The following PREX2 variants were observed in gnomAD, a reference collection of about 807,000 sequenced individuals.
PREX2 encodes phosphatidylinositol-3,4,5-trisphosphate dependent Rac exchange factor 2.
PREX2 carries 107 observed loss-of-function variants against 203.2 expected under a neutral mutation model. That is an observed-to-expected ratio of 0.53 (90% CI 0.45 to 0.62). PREX2 has a LOEUF of 0.62. PREX2 is among the 20% of genes least tolerant of loss of function. The pLI, the probability that PREX2 is intolerant of heterozygous loss-of-function variation, is 0.00. For missense variants in PREX2, 1,777 were observed against 1,955.9 expected, an observed-to-expected ratio of 0.91 and a Z score of 1.72; for synonymous variants, 672 against 663.6, an observed-to-expected ratio of 1.01 and a Z score of -0.19.
intron 1 of PREX2, among the ~76,000 whole-genome samples, chr8:67,979,729 A>G (rs1806212062): frequency 1.3e-5 from 2 of 152,238 alleles, no homozygotes; most frequent in African/African-American, 4.8e-5. Context: ...AATGCCATAC[A>G]CTTTCTATCT....
intron 37 of PREX2, among the ~76,000 whole-genome samples, chr8:68,196,325 C>T (rs1174359020): frequency 6.7e-6 from 1 of 149,440 alleles, no homozygotes; most frequent in Admixed American, 6.7e-5. Context: ...TATAGAAAAA[C>T]ATTCTATTCT....
At chr8:68,220,846 G>A (rs935953206) in intron 38 of PREX2, among the ~76,000 whole-genome samples, 1 of 152,130 alleles carries the variant, frequency 6.6e-6, no homozygotes, top group Admixed American at 6.5e-5. Context: ...TTATGATAGC[G>A]ATTAAAAGCA....
intron 35 of PREX2, among the ~76,000 whole-genome samples, chr8:68,164,585 C>CTTTTTTTTTTTTTTTTTT (rs755033458): frequency 7.4e-6 from 1 of 135,262 alleles, no homozygotes; most frequent in Non-Finnish European, 1.6e-5. Context: ...TTTCTTTTTT[C>CTTTTTTTTTTTTTTTTTT]TTTTTTTTTT....
At chr8:68,008,930 A>G (rs1294540101) in intron 1 of PREX2, among the ~76,000 whole-genome samples, 1 of 152,202 alleles carries the variant, frequency 6.6e-6, no homozygotes, top group African/African-American at 2.4e-5. Context: ...TTTCTCCGGT[A>G]TGTCTTTATA....
chr8:68,084,901 C>G (rs1489255586), intron 18 of PREX2, among the ~76,000 whole-genome samples: 3 of 152,138 alleles, frequency 2.0e-5, no homozygotes, highest in Non-Finnish European at 4.4e-5. Flanking sequence ...ATCTACTGAT[C>G]AGAGACATTC....
At chr8:67,970,631 A>G (rs1805900977) in intron 1 of PREX2, among the ~76,000 whole-genome samples, 1 of 152,208 alleles carries the variant, frequency 6.6e-6, no homozygotes, top group South Asian at 2.1e-4. Context: ...CTACAGACTC[A>G]TGTTTTCTTG....
intron 8 of PREX2, among the ~76,000 whole-genome samples, chr8:68,047,471 A>T (rs937690116): frequency 4.8e-3 from 7 of 1,450 alleles, no homozygotes; most frequent in African/African-American, 0.012. Flanking sequence ...GGATGAATTT[A>T]TATATATATA....
intron 4 of PREX2, among the ~76,000 whole-genome samples, chr8:68,023,893 A>G (rs1428378605): frequency 6.6e-6 from 1 of 152,046 alleles, no homozygotes; most frequent in Admixed American, 6.6e-5. Flanking sequence ...TATTTTGCAT[A>G]TAGGATCAAT....
rs757092256 is a variant in PREX2 at position 68,030,611 on chromosome 8, A to C, written c.658A>C (p.Lys220Gln). The C allele has an allele frequency of 6.2e-7, 1 of 1,613,520 alleles. No individual in the cohort carries two copies. The highest frequency in any genetic ancestry group is 8.5e-7 in the Non-Finnish European group (1 of 1,179,678). ...AAACGAGGCCAAGAGACAGATGGAG[A>C]AGTTAGAAGTTTTAGAGGAATGGCA... is the stretch of plus-strand genomic sequence containing the variant. The part of the protein sequence containing the change: ...NINEAKRQME[K>Q]LEVLEEWQSH... Residue 220 changes from lysine to glutamine, a missense_variant, in exon 6 of 40, where the codon AAG becomes CAG. By Grantham distance (53) the Lys-to-Gln change is moderately conservative (BLOSUM62 1). Coordinates refer to ENST00000288368, the MANE Select transcript of PREX2 (RefSeq NM_024870.4).
At chr8:67,973,375 T>A (rs762932644) in intron 1 of PREX2, among the ~76,000 whole-genome samples, 3 of 152,238 alleles carry the variant, frequency 2.0e-5, no homozygotes, top group Non-Finnish European at 4.4e-5. Flanking sequence ...TAACTTGCTG[T>A]AGCTACTCCT....
Position 68,069,067 on chromosome 8 carries a change from G to A in PREX2, c.1374G>A (p.Met458Ile), listed in dbSNP as rs768327459. The A allele has an allele frequency of 4.5e-6, 7 of 1,554,892 alleles. No individual in the cohort carries two copies. The Admixed American group carries it at 1.4e-4, about 31-fold the overall frequency. Residue 458 changes from methionine (M) to isoleucine (I), a missense_variant, in exon 12 of 40, where the codon ATG becomes ATA. Transcript: ENST00000288368. ...TDKHQFKPEQ[M>I]LYRFRYDDGT... ...AACATCAATTCAAACCAGAACAGAT[G>A]TTATATAGATTTCGCTATGATGATG...
At chr8:67,997,883 G>A (rs1028891472) in intron 1 of PREX2, among the ~76,000 whole-genome samples, 4 of 152,046 alleles carry the variant, frequency 2.6e-5, no homozygotes, top group Non-Finnish European at 5.9e-5. Flanking sequence ...TTCAATCCAT[G>A]AACGTGGTAG....
chr8:68,224,112 A>G (rs1187795557), intron 38 of PREX2, among the ~76,000 whole-genome samples: 1 of 151,956 alleles, frequency 6.6e-6, no homozygotes, highest in Non-Finnish European at 1.5e-5. Context: ...TCAACCTCCT[A>G]GCCTCAAACA....
chr8:68,051,009 A>G (rs7831350), intron 8 of PREX2, among the ~76,000 whole-genome samples: 25,433 of 152,020 alleles, frequency 0.17, 2,140 homozygotes, highest in Non-Finnish European at 0.19. Context: ...TGTAGTTTTG[A>G]CTTGATTCAG....
chr8:68,227,878 A>ACCCTTG (rs1264662368), intron 39 of PREX2, among the ~76,000 whole-genome samples: 2 of 152,182 alleles, frequency 1.3e-5, no homozygotes, highest in African/African-American at 4.8e-5. Context: ...TGTTTCTTGG[A>ACCCTTG]CACCCTTGGC....
rs771838317 is a variant in PREX2 at position 68,105,174 on chromosome 8, C to T, written c.2716-2935C>T. ...AGAAAGGTTTTACAATTTCACAGCA[C>T]GGCATGCTGTCTGGGAGCACAGTTT... On this transcript the variant is annotated intron_variant, in intron 23 of 39. Transcript: ENST00000288368. 51 of 1,367,470 alleles carry T rather than the reference C, an allele frequency of 3.7e-5. No individual in the cohort carries two copies. In the East Asian group the frequency reaches 7.3e-4, roughly 20 times the overall value. 84.7% of individuals were successfully genotyped at this position (1,367,470 alleles called of 1,614,324 possible). A position where few individuals can be genotyped will look rare whatever the true frequency, so the allele number is the denominator to read the frequency against.
At chr8:67,998,593 A>C (rs1295725755) in intron 1 of PREX2, among the ~76,000 whole-genome samples, 2 of 152,130 alleles carry the variant, frequency 1.3e-5, no homozygotes, top group Admixed American at 6.6e-5. Flanking sequence ...ATAGTGAGAC[A>C]GTGTCTCTAG....
chr8:68,189,074 G>A (rs1418109935), intron 35 of PREX2, among the ~76,000 whole-genome samples: 1 of 152,110 alleles, frequency 6.6e-6, no homozygotes, highest in Non-Finnish European at 1.5e-5. Flanking sequence ...GGCTTCCACT[G>A]TATTTGTAAT....
At chr8:68,136,862 A>G (rs1811122664) in intron 32 of PREX2, among the ~76,000 whole-genome samples, 8 of 151,180 alleles carry the variant, frequency 5.3e-5, no homozygotes, top group Admixed American at 5.3e-4. Flanking sequence ...CACCTCCTTC[A>G]TCTTCTACTG....
Sources: allele counts gnomAD v4.1 joint callset (sites outside exome capture counted in the v4.1 genomes callset), GRCh38; gene constraint gnomAD v4.1.1; transcripts MANE v1.5; gene names NCBI Gene and HGNC (gene_info 2026-07-23, HGNC 2026-07-21).